The following CDK5RAP1 variants were observed in gnomAD, a reference collection of about 807,000 sequenced individuals.
CDK5RAP1 encodes the protein CDK5RAP1 mitochondrial tRNA methylthiotransferase.
In CDK5RAP1, 62 loss-of-function variants were observed where a neutral mutation model predicts 64.5. The ratio of observed to expected loss-of-function variants is 0.96; its 90% CI spans 0.78 to 1.19. The LOEUF (loss-of-function observed/expected upper bound fraction) is 1.19. Ranked by LOEUF, CDK5RAP1 falls within the 50% of genes most tolerant of loss-of-function variation. CDK5RAP1 has a pLI of 0.00. For synonymous variants in CDK5RAP1, 250 were observed against 261.9 expected (o/e 0.95, Z 0.44); for missense variants, 657 against 735.0 (o/e 0.89, Z 1.23).
At chr20:33,395,153 GACA>G (rs1273154917) in intron 2 of CDK5RAP1, 37 bp from the exon 3 acceptor site, 1 of 1,185,456 alleles carries the variant, frequency 8.4e-7, no homozygotes, top group Non-Finnish European at 1.3e-6. Context: ...ATGGTAGACA[GACA>G]ACAAGGGGTC....
chr20:33,397,048 C>T lies in CDK5RAP1; in HGVS notation c.17G>A (p.Cys6Tyr). The T allele has an allele frequency of 6.2e-7, 1 of 1,612,004 alleles. No homozygotes were observed. The highest frequency in any genetic ancestry group is 8.5e-7 in the Non-Finnish European group (1 of 1,179,202). ...CAGAGACCTCTGCACTTGGAGGACA[C>T]ACTGTAAAGGGTGCATGGCACTAAA... Reference protein sequence around the residue: MHPLQCVLQVQRSLGW... With the variant: MHPLQYVLQVQRSLGW... The change falls in exon 2 of 14, where the codon TGT becomes TAT. Residue 6 changes from cysteine to tyrosine, a missense_variant. Cys to Tyr is a radical substitution (Grantham distance 194). Transcript: ENST00000346416.
At chr20:33,384,215 T>C (rs973576608) in intron 7 of CDK5RAP1, among the ~76,000 whole-genome samples, 2 of 152,180 alleles carry the variant, frequency 1.3e-5, no homozygotes, top group Non-Finnish European at 2.9e-5. Flanking sequence ...AATTATTAAG[T>C]GACTAACAGA....
At chr20:33,376,684 A>T (rs567323083) in intron 8 of CDK5RAP1, among the ~76,000 whole-genome samples, 92 of 152,278 alleles carry the variant, frequency 6.0e-4, no homozygotes, top group Non-Finnish European at 3.2e-4. Flanking sequence ...TTTAATTTTT[A>T]GTTTATATAA....
chr20:33,366,015 G>C (rs1983858654), intron 12 of CDK5RAP1, among the ~76,000 whole-genome samples: 1 of 152,192 alleles, frequency 6.6e-6, no homozygotes, highest in Admixed American at 6.5e-5. Flanking sequence ...GGCTATGTTG[G>C]ATGAATAAGA....
intron 1 of CDK5RAP1, among the ~76,000 whole-genome samples, chr20:33,399,475 G>T (rs1196856302): frequency 2.0e-5 from 3 of 152,150 alleles, no homozygotes; most frequent in Non-Finnish European, 4.4e-5. Flanking sequence ...ATCACACTTT[G>T]CTGTTAATTA....
chr20:33,369,236 C>G (rs1334207500), intron 11 of CDK5RAP1, among the ~76,000 whole-genome samples: 2 of 152,042 alleles, frequency 1.3e-5, no homozygotes. Context: ...GTAATCCCAG[C>G]ACTTTGGGAG....
intron 9 of CDK5RAP1, 131 bp from the exon 10 acceptor site, chr20:33,372,828 T>C (rs1361758176): frequency 1.6e-6 from 1 of 611,446 alleles, no homozygotes; most frequent in Non-Finnish European, 2.9e-6. Flanking sequence ...ACGAGTAAAT[T>C]AAAGTATCCA....
chr20:33,388,749 C>G (rs1029476535), intron 5 of CDK5RAP1, among the ~76,000 whole-genome samples: 13 of 152,022 alleles, frequency 8.6e-5, no homozygotes, highest in African/African-American at 3.1e-4. Context: ...CTCAACCTGC[C>G]GAGTGCCTGC....
rs1339486441 is a variant in CDK5RAP1, at chr20:33,385,663, T to C, written c.863A>G (p.Lys288Arg). The C allele has an allele frequency of 6.2e-7, 1 of 1,614,154 alleles. No individual in the cohort carries two copies. Among genetic ancestry groups the C allele is most frequent in the Admixed American group, 1.7e-5 (1 of 60,016 alleles). The change falls in exon 7 of 14, where the codon AAG becomes AGG. Residue 288 changes from lysine (K) to arginine (R), a missense_variant. Coordinates refer to ENST00000346416, the MANE Select transcript of CDK5RAP1 (RefSeq NM_016408.4). ...PIASILEEVK[K>R]LSEQGLKEVT... ...AGAACTCTTCACCTGCTCAGAAAGC[T>C]TCTTCACTTCCTCTAGAATGGAGGC...
chr20:33,401,515 T>A lies in CDK5RAP1; in HGVS notation c.-108A>T, dbSNP rs959306463. 9.1e-6 allele frequency: 9 copies of A among 985,286 alleles called. No homozygotes were observed. The highest frequency in any genetic ancestry group is 1.1e-5 in the Non-Finnish European group (9 of 829,920). 61.0% of individuals were successfully genotyped at this position (985,286 alleles called of 1,614,324 possible). A position where few individuals can be genotyped will look rare whatever the true frequency, so the allele number is the denominator to read the frequency against. ...CCTCACAGGTCCGCCGCTGCGTTCA[T>A]ACACAAGCGACTTCCGTTCCGCCGC... On this transcript the variant is annotated 5_prime_UTR_variant, in exon 1 of 14. The change abolishes an upstream ATG in the 5' untranslated region. Transcript: ENST00000346416.
In CDK5RAP1 at chr20:33,382,676, C is replaced by T. The variant is rs1387102665; in HGVS notation, c.876+2974G>A. On this transcript the variant is annotated intron_variant, in intron 7 of 13. Coordinates refer to ENST00000346416, the MANE Select transcript of CDK5RAP1 (RefSeq NM_016408.4). The stretch of plus-strand genomic sequence containing the variant: ...AGCATGGGCAAAAAGAGCAAAATTC[C>T]GTCTCTAAATAAATAAATAAAATAA... Among the ~76,000 whole-genome samples, 7 of 151,592 alleles carry T rather than the reference C, an allele frequency of 4.6e-5. No homozygotes were observed. In the East Asian group the frequency reaches 7.8e-4, roughly 17 times the overall value.
intron 5 of CDK5RAP1, among the ~76,000 whole-genome samples, chr20:33,390,844 A>G (rs1373124912): frequency 1.3e-5 from 2 of 152,116 alleles, no homozygotes; most frequent in African/African-American, 4.8e-5. Flanking sequence ...CTATTCCACA[A>G]TGGAGATAGT....
chr20:33,385,340 T>C (rs1211053496), intron 7 of CDK5RAP1, among the ~76,000 whole-genome samples: 1 of 152,224 alleles, frequency 6.6e-6, no homozygotes, highest in Non-Finnish European at 1.5e-5. Context: ...TATTATTTTA[T>C]TCTCTTTTCA....
rs541386305 is a variant in CDK5RAP1, at chr20:33,372,943, C to T, written c.1206-246G>A. On this transcript the variant is annotated intron_variant, in intron 9 of 13. Coordinates refer to ENST00000346416, the MANE Select transcript of CDK5RAP1 (RefSeq NM_016408.4). ...TTTTTTTTTTTTTGAGACAGAGTCT[C>T]GCTCTGTCTCTCAGGCTGGAGTGCA... 5.6e-4 allele frequency: 156 copies of T among 277,878 alleles called. 1 individual carries two copies. Among genetic ancestry groups the T allele is most frequent in the African/African-American group, 3.3e-3 (143 of 43,142 alleles). 17.2% of individuals were successfully genotyped at this position (277,878 alleles called of 1,614,324 possible). A position where few individuals can be genotyped will look rare whatever the true frequency, so the allele number is the denominator to read the frequency against.
Position 33,373,150 on chromosome 20 carries a change from G to A in CDK5RAP1, c.1206-453C>T, listed in dbSNP as rs936450061. ...GAGACTGGGTTTCGCCATGTTGCCC[G>A]TGTGTGTGTGTGTGTGTGTGTGTGT... On this transcript the variant is annotated intron_variant, in intron 9 of 13. Transcript: ENST00000346416. The A allele has an allele frequency of 8.2e-4, 23 of 28,002 alleles. No individual in the cohort carries two copies. The South Asian group carries it at 0.018, about 21-fold the overall frequency. The allele number at this position is 28,002 out of a possible 1,614,324, so 1.7% of individuals were successfully genotyped here.
chr20:33,367,603 A>G (rs557675531), intron 11 of CDK5RAP1, among the ~76,000 whole-genome samples: 23 of 152,346 alleles, frequency 1.5e-4, no homozygotes, highest in African/African-American at 5.5e-4. Context: ...AGAAATTGCT[A>G]AGTGGTTGCC....
chr20:33,371,559 G>A (rs991077731), intron 10 of CDK5RAP1, among the ~76,000 whole-genome samples: 4 of 151,986 alleles, frequency 2.6e-5, no homozygotes, highest in Non-Finnish European at 5.9e-5. Flanking sequence ...AGGCTGAGGC[G>A]GGCAGATCAC....
chr20:33,373,973 G>A (rs1193897707), intron 9 of CDK5RAP1, 142 bp downstream of exon 9: 7 of 679,712 alleles, frequency 1.0e-5, no homozygotes, highest in Non-Finnish European at 1.9e-5. Context: ...CCAGTGCCCA[G>A]TGGCTTAGTC....
At chr20:33,373,096 GTGTC>G (rs1277459342) in intron 9 of CDK5RAP1, 16 of 191,968 alleles carry the variant, frequency 8.3e-5, no homozygotes, top group Non-Finnish European at 1.6e-4. Flanking sequence ...GTGTGTCTGT[GTGTC>G]TGTATGTGTG....
Sources: gnomAD v4.1 joint callset for allele counts (sites outside exome capture counted in the v4.1 genomes callset) on GRCh38, gnomAD v4.1.1 for gene constraint, MANE v1.5 for transcripts, NCBI Gene and HGNC (gene_info 2026-07-23, HGNC 2026-07-21) for gene names.